ITPR2: variants seen among roughly 807,000 people sequenced by gnomAD.
ITPR2 encodes the protein inositol 1,4,5-trisphosphate-gated calcium channel ITPR2.
In ITPR2, 207 loss-of-function variants were observed where a neutral mutation model predicts 317.1. That is an observed-to-expected ratio of 0.65 (90% confidence interval 0.58 to 0.73). The LOEUF (loss-of-function observed/expected upper bound fraction) is 0.73, where lower values mean the gene tolerates loss of function less well. ITPR2 is among the 30% of genes least tolerant of loss of function. The pLI is 0.00. For synonymous variants in ITPR2, 1,156 were observed against 1,149.1 expected (o/e 1.01, Z -0.12); for missense variants, 2,613 against 3,284.0 (o/e 0.80, Z 4.99).
At chr12:26,712,173 C>T (rs1948655511) in intron 8 of ITPR2, among the ~76,000 whole-genome samples, 1 of 152,240 alleles carries the variant, frequency 6.6e-6, no homozygotes, top group African/African-American at 2.4e-5. Context: ...CTTATTTCTT[C>T]GTGTACAAAA....
At chr12:26,602,787 A>G in intron 26 of ITPR2, 81 bp from the exon 27 acceptor site, 1 of 571,970 alleles carries the variant, frequency 1.7e-6, no homozygotes. Context: ...AATAATAAAT[A>G]TATTTTGTAA....
At chr12:26,433,517 G>T (rs1299454815) in intron 48 of ITPR2, among the ~76,000 whole-genome samples, 1 of 149,872 alleles carries the variant, frequency 6.7e-6, no homozygotes, top group African/African-American at 2.5e-5. Flanking sequence ...TTTCCATCAA[G>T]TGCTTTGTGT....
intron 8 of ITPR2, among the ~76,000 whole-genome samples, chr12:26,713,378 C>A (rs1372513618): frequency 6.6e-6 from 1 of 152,110 alleles, no homozygotes; most frequent in Non-Finnish European, 1.5e-5. Flanking sequence ...CCTCAAATCT[C>A]AAATAGAAAT....
chr12:26,737,631 A>G (rs1645173976), intron 2 of ITPR2, among the ~76,000 whole-genome samples: 1 of 152,116 alleles, frequency 6.6e-6, no homozygotes, highest in African/African-American at 2.4e-5. Flanking sequence ...CATTTACATA[A>G]AAAGCTCAGA....
intron 49 of ITPR2, among the ~76,000 whole-genome samples, chr12:26,423,203 G>GGA (rs146613339): frequency 1.3e-5 from 2 of 151,580 alleles, no homozygotes; most frequent in East Asian, 1.9e-4. Context: ...CTGTGTGTGT[G>GGA]GAGAGAGAGA....
chr12:26,441,969 C>T (rs1006170051), intron 46 of ITPR2, among the ~76,000 whole-genome samples: 6 of 151,936 alleles, frequency 3.9e-5, no homozygotes, highest in African/African-American at 1.5e-4. Context: ...TATGTATCTG[C>T]ATCTATGTAT....
intron 9 of ITPR2, among the ~76,000 whole-genome samples, chr12:26,699,669 A>G (rs894982424): frequency 5.9e-5 from 9 of 152,170 alleles, no homozygotes; most frequent in Non-Finnish European, 1.3e-4. Flanking sequence ...AAGGAAGAGG[A>G]GAAGGGAAAG....
intron 45 of ITPR2, among the ~76,000 whole-genome samples, chr12:26,455,213 C>T (rs940199842): frequency 7.9e-5 from 12 of 151,896 alleles, no homozygotes; most frequent in African/African-American, 2.9e-4. Flanking sequence ...AGATAATTTT[C>T]AGGAACTTTA....
At chr12:26,722,622 T>C in intron 4 of ITPR2, 67 bp from the exon 5 acceptor site, 4 of 1,202,820 alleles carry the variant, frequency 3.3e-6, no homozygotes, top group South Asian at 2.9e-5. Context: ...CATTCATATG[T>C]TTTATACATG....
intron 2 of ITPR2, among the ~76,000 whole-genome samples, chr12:26,786,403 G>A (rs1950245380): frequency 8.5e-6 from 1 of 117,266 alleles, no homozygotes; most frequent in South Asian, 3.1e-4. Context: ...ATTGTCCTAT[G>A]ACCCTGCCAA....
intron 22 of ITPR2, chr12:26,630,842 A>G (rs1479215448): frequency 6.6e-6 from 1 of 152,180 alleles, no homozygotes; most frequent in Non-Finnish European, 1.5e-5. Flanking sequence ...CAGTAGGTCC[A>G]TGGGTCAGGT....
At chr12:26,605,126 A>ATAT (rs373595249) in intron 26 of ITPR2, among the ~76,000 whole-genome samples, 2,887 of 136,300 alleles carry the variant, frequency 0.021, 117 homozygotes, top group African/African-American at 0.056. Flanking sequence ...AAAAAATAAA[A>ATAT]ATATATATAT....
chr12:26,710,998 T>A (rs1948634203), intron 9 of ITPR2, among the ~76,000 whole-genome samples, 175 bp downstream of exon 9: 1 of 152,228 alleles, frequency 6.6e-6, no homozygotes, highest in Non-Finnish European at 1.5e-5. Flanking sequence ...TTGTAATACT[T>A]TGACTAACAT....
chr12:26,703,520 A>G (rs149731360), intron 9 of ITPR2, among the ~76,000 whole-genome samples: 1 of 152,316 alleles, frequency 6.6e-6, no homozygotes, highest in East Asian at 1.9e-4. Context: ...TGTGTATAGT[A>G]GGATGTTTAG....
chr12:26,790,057 A>AG, intron 2 of ITPR2, 100 bp downstream of exon 2: 1 of 797,346 alleles, frequency 1.3e-6, no homozygotes, highest in East Asian at 2.6e-5. Context: ...TATATCTGAA[A>AG]GTTTCACATT....
chr12:26,817,765 T>G (rs775886860), intron 1 of ITPR2, among the ~76,000 whole-genome samples: 4 of 152,214 alleles, frequency 2.6e-5, no homozygotes, highest in Admixed American at 6.5e-5. Context: ...TTTCATTTCT[T>G]GATGCTCTAT....
chr12:26,461,691 TACACACACACACACAC>T (rs10580959), intron 45 of ITPR2, among the ~76,000 whole-genome samples: 1 of 123,800 alleles, frequency 8.1e-6, no homozygotes, highest in African/African-American at 3.1e-5. Context: ...CATATATATA[TACACACACACACACAC>T]ACACACACAC....
At chr12:26,708,272 G>T (rs540133722) in intron 9 of ITPR2, among the ~76,000 whole-genome samples, 78 of 152,232 alleles carry the variant, frequency 5.1e-4, no homozygotes, top group African/African-American at 1.1e-3. Context: ...AAGGAAATCA[G>T]TATATGGAAG....
At chr12:26,665,385 C>G (rs1355993680) in intron 14 of ITPR2, among the ~76,000 whole-genome samples, 1 of 152,222 alleles carries the variant, frequency 6.6e-6, no homozygotes, top group African/African-American at 2.4e-5. Flanking sequence ...ACAATGGTCT[C>G]TGATATTCCT....
Sources: gnomAD v4.1 joint callset for allele counts (sites outside exome capture counted in the v4.1 genomes callset) on GRCh38, gnomAD v4.1.1 for gene constraint, MANE v1.5 for transcripts, NCBI Gene and HGNC (gene_info 2026-07-23, HGNC 2026-07-21) for gene names.